PTPRG: variants seen among roughly 807,000 people sequenced by gnomAD.
PTPRG encodes the protein receptor-type tyrosine-protein phosphatase gamma.
In PTPRG, 102 loss-of-function variants were observed where a neutral mutation model predicts 165.3. That is an observed-to-expected ratio of 0.62 (90% CI 0.53 to 0.73). The LOEUF (loss-of-function observed/expected upper bound fraction) is 0.73, where lower values mean the gene tolerates loss of function less well. Among genes scored for constraint, PTPRG ranks in the 30% least tolerant of loss-of-function variants. The pLI is 0.00. For synonymous variants in PTPRG, 675 were observed against 669.5 expected (o/e 1.01, Z -0.13); for missense variants, 1,866 against 1,861.4 (o/e 1.00, Z -0.05).
Position 62,132,639 on chromosome 3 carries a change from T to C in PTPRG, c.653T>C (p.Ile218Thr). ...PRDNSALDPIIHGLKGVVHHE... is the reference protein window; with the variant it reads ...PRDNSALDPITHGLKGVVHHE... ...GACAATTCTGCACTGGATCCTATTA[T>C]CCACGGGTTGAAGGGTGTCGTACAT... The change falls in exon 6 of 30, where the codon ATC becomes ACC. Residue 218 changes from isoleucine to threonine, a missense_variant. This residue lies in a region of PTPRG where 408 missense variants were observed against 376.2 expected (regional missense o/e 1.08). Coordinates refer to ENST00000474889, the MANE Select transcript of PTPRG (RefSeq NM_002841.4). The C allele has an allele frequency of 6.2e-7, 1 of 1,612,462 alleles. No homozygotes were observed. The highest frequency in any genetic ancestry group is 8.5e-7 in the Non-Finnish European group (1 of 1,178,468).
In PTPRG at chr3:62,273,652, A is replaced by T; in HGVS notation, c.3319-46A>T. The T allele has an allele frequency of 6.3e-7, 1 of 1,590,444 alleles. No homozygotes were observed. Among genetic ancestry groups the T allele is most frequent in the Non-Finnish European group, 8.6e-7 (1 of 1,159,910 alleles). ...AGGTACACTTCATGAATGAGTGGCT[A>T]ACCCTTAACACTCCCTCAGTGACTA... On this transcript the variant is annotated intron_variant, in intron 22 of 29. Coordinates refer to ENST00000474889, the MANE Select transcript of PTPRG (RefSeq NM_002841.4). The surrounding 1 kb of genome is among the most constrained non-coding windows in gnomAD (Gnocchi z 4.1).
In PTPRG at chr3:62,262,898, A is replaced by C. The variant is rs1701743318; in HGVS notation, c.2656+4A>C. On this transcript the variant is annotated splice_donor_region_variant and intron_variant, in intron 17 of 29. Coordinates refer to ENST00000474889, the MANE Select transcript of PTPRG (RefSeq NM_002841.4). ...AGATACATCAACATTTTAGCATGTG[A>C]GTAATAAGCTTTAAACTACCTTCAA... is the stretch of plus-strand genomic sequence containing the variant. 1.2e-6 allele frequency: 2 copies of C among 1,602,576 alleles called. No homozygotes were observed. The highest frequency in any genetic ancestry group is 1.7e-6 in the Non-Finnish European group (2 of 1,169,674).
chr3:61,943,121 TC>T (rs1417299402), intron 2 of PTPRG, among the ~76,000 whole-genome samples: 1 of 152,166 alleles, frequency 6.6e-6, no homozygotes. Context: ...TTCCTGATGT[TC>T]AGGTACCAAA....
chr3:62,174,597 G>T (rs1705343599), intron 8 of PTPRG, among the ~76,000 whole-genome samples: 1 of 152,182 alleles, frequency 6.6e-6, no homozygotes, highest in Non-Finnish European at 1.5e-5. Flanking sequence ...GAGAAAGAGG[G>T]TCACATTTTC....
At chr3:62,131,216 A>G (rs1703501418) in intron 5 of PTPRG, among the ~76,000 whole-genome samples, 1 of 152,164 alleles carries the variant, frequency 6.6e-6, no homozygotes, top group South Asian at 2.1e-4. Flanking sequence ...TGATGTCAGT[A>G]GCCCCTCCCC....
At chr3:61,590,186 A>G (rs1700532024) in intron 1 of PTPRG, among the ~76,000 whole-genome samples, 1 of 150,526 alleles carries the variant, frequency 6.6e-6, no homozygotes, top group South Asian at 2.1e-4. Context: ...CTACTCCTGG[A>G]GTAGGCATTG....
intron 2 of PTPRG, among the ~76,000 whole-genome samples, chr3:61,960,103 ATTATC>A (rs1311002142): frequency 6.6e-6 from 1 of 151,818 alleles, no homozygotes; most frequent in African/African-American, 2.4e-5. Context: ...TTCACATTCA[ATTATC>A]TTATGTTGTT....
intron 6 of PTPRG, among the ~76,000 whole-genome samples, chr3:62,152,646 A>G (rs1463587760): frequency 2.0e-5 from 3 of 152,288 alleles, no homozygotes; most frequent in African/African-American, 7.2e-5. Flanking sequence ...GATCACTGCA[A>G]ACTGCTCTTC....
At chr3:62,281,093 A>T (rs1397156071) in intron 26 of PTPRG, among the ~76,000 whole-genome samples, 1 of 152,098 alleles carries the variant, frequency 6.6e-6, no homozygotes. Context: ...TATGTATCCA[A>T]CATCATACTG....
intron 2 of PTPRG, among the ~76,000 whole-genome samples, chr3:61,767,553 T>C (rs1160699803): frequency 6.6e-6 from 1 of 152,208 alleles, no homozygotes; most frequent in East Asian, 1.9e-4. Flanking sequence ...CATTTAGATG[T>C]CTTAAGTTGT....
intron 6 of PTPRG, among the ~76,000 whole-genome samples, chr3:62,133,324 G>A (rs917237071): frequency 6.6e-6 from 1 of 152,094 alleles, no homozygotes; most frequent in South Asian, 2.1e-4. Context: ...GTGTGTAGTC[G>A]AGATGTAATG....
intron 5 of PTPRG, among the ~76,000 whole-genome samples, chr3:62,085,168 TA>T (rs1701707229): frequency 6.6e-6 from 1 of 152,214 alleles, no homozygotes; most frequent in African/African-American, 2.4e-5. Flanking sequence ...ATATACTAAG[TA>T]AAACTGAGTT....
In PTPRG at chr3:62,157,055, T is replaced by C; in HGVS notation, c.683-12T>C. On this transcript the variant is annotated splice_polypyrimidine_tract_variant and intron_variant, in intron 6 of 29. Transcript: ENST00000474889. ...ACCATTGTGCTTTTCTTTTCCCTTT[T>C]TCCCCAAACAGAGAAGGAGACCTTT... The C allele has an allele frequency of 1.3e-6, 2 of 1,589,270 alleles. No homozygotes were observed. The highest frequency in any genetic ancestry group is 1.3e-5 in the African/African-American group (1 of 74,500).
Position 62,245,468 on chromosome 3 carries a change from A to C in PTPRG, c.2467+1570A>C, listed in dbSNP as rs1701268668. Among the ~76,000 whole-genome samples the C allele has an allele frequency of 6.6e-6, 1 of 152,174 alleles. No individual in the cohort carries two copies. The highest frequency in any genetic ancestry group is 2.4e-5 in the African/African-American group (1 of 41,440). On this transcript the variant is annotated intron_variant, in intron 15 of 29. Coordinates refer to ENST00000474889, the MANE Select transcript of PTPRG (RefSeq NM_002841.4). This position sits in a 1 kb window ranked among gnomAD's most constrained non-coding sequence, Gnocchi z 4.2. ...CAGTTGTTTGGTAGCTGTGTAACTG[A>C]AATCCATTTTTGAAGAGTTAAATGG...
At chr3:61,606,129 G>A (rs1700999168) in intron 1 of PTPRG, among the ~76,000 whole-genome samples, 1 of 152,170 alleles carries the variant, frequency 6.6e-6, no homozygotes, top group South Asian at 2.1e-4. Flanking sequence ...GCATTAGCTG[G>A]GTCCTCTGCT....
rs187885048 is a variant in PTPRG at position 62,264,696 on chromosome 3, T to C, written c.2656+1802T>C. ...AGCATTTTGTCTATTCATTCATCAT[T>C]TGATGGACATTGTTTCTTTTCCGCT... On this transcript the variant is annotated intron_variant, in intron 17 of 29. Transcript: ENST00000474889. Among the ~76,000 whole-genome samples the C allele has an allele frequency of 9.8e-4, 150 of 152,352 alleles. 3 individuals are homozygous for C. In the South Asian group the frequency reaches 0.024, roughly 24 times the overall value.
intron 5 of PTPRG, among the ~76,000 whole-genome samples, chr3:62,082,517 T>A (rs1335766743): frequency 6.6e-6 from 1 of 152,230 alleles, no homozygotes; most frequent in Admixed American, 6.5e-5. Flanking sequence ...AATGTCTTGA[T>A]GATGTAGCAG....
intron 5 of PTPRG, among the ~76,000 whole-genome samples, chr3:62,106,287 A>G (rs1421423992): frequency 1.3e-5 from 2 of 152,182 alleles, no homozygotes; most frequent in Admixed American, 6.5e-5. Flanking sequence ...GGACTCTAAC[A>G]TCACAGTTGG....
chr3:62,018,338 A>G (rs937679544), intron 4 of PTPRG, among the ~76,000 whole-genome samples: 1 of 152,262 alleles, frequency 6.6e-6, no homozygotes, highest in Non-Finnish European at 1.5e-5. Flanking sequence ...TTCCACGTTC[A>G]GATAAAAAGC....
Sources: allele counts gnomAD v4.1 joint callset (sites outside exome capture counted in the v4.1 genomes callset), GRCh38; gene constraint gnomAD v4.1.1; regional missense constraint gnomAD v4.1.1; non-coding constraint Gnocchi (gnomAD v3.1); transcripts MANE v1.5; gene names NCBI Gene and HGNC (gene_info 2026-07-23, HGNC 2026-07-21).